STPG2: variants seen among roughly 807,000 people sequenced by gnomAD.
The protein encoded by STPG2 is sperm tail PG-rich repeat containing 2, also known as sperm-tail PG-rich repeat-containing protein 2.
In STPG2, 56 loss-of-function variants were observed where a neutral mutation model predicts 54.2. The ratio of observed to expected loss-of-function variants is 1.03; its 90% CI spans 0.83 to 1.29. The LOEUF is 1.29. Among genes scored for constraint, STPG2 ranks in the 50% most tolerant of loss-of-function variants. STPG2 has a pLI of 0.00. For missense variants in STPG2, 596 were observed against 544.9 expected (o/e 1.09, Z -0.93); for synonymous variants, 200 against 181.8 (o/e 1.10, Z -0.81).
intron 8 of STPG2, among the ~76,000 whole-genome samples, chr4:97,873,508 G>A (rs1333621914): frequency 6.6e-6 from 1 of 151,360 alleles, no homozygotes; most frequent in Non-Finnish European, 1.5e-5. Flanking sequence ...ATAACAAAAA[G>A]CACTATTGAA....
chr4:98,011,042 A>C (rs941782776), intron 5 of STPG2, among the ~76,000 whole-genome samples: 5 of 152,074 alleles, frequency 3.3e-5, no homozygotes, highest in Non-Finnish European at 7.4e-5. Flanking sequence ...TGCTGCACTG[A>C]TCAACCCATC....
intron 4 of STPG2, among the ~76,000 whole-genome samples, chr4:97,512,649 G>A (rs1730995899): frequency 6.6e-6 from 1 of 152,006 alleles, no homozygotes; most frequent in African/African-American, 2.4e-5. Flanking sequence ...GAAAAGATAG[G>A]GGTGGGAGGA....
intron 10 of STPG2, among the ~76,000 whole-genome samples, chr4:97,679,072 G>A (rs1722944493): frequency 6.6e-6 from 1 of 152,112 alleles, no homozygotes; most frequent in Non-Finnish European, 1.5e-5. Context: ...TGTGAATAGT[G>A]CTGCAATAAA....
intron 5 of STPG2, among the ~76,000 whole-genome samples, chr4:98,032,724 G>A (rs563341518): frequency 1.7e-4 from 26 of 151,988 alleles, no homozygotes; most frequent in Non-Finnish European, 3.2e-4. Context: ...GCAAAAGAAC[G>A]GAAATCATAA....
At chr4:98,028,958 A>G (rs1736510780) in intron 5 of STPG2, among the ~76,000 whole-genome samples, 1 of 152,212 alleles carries the variant, frequency 6.6e-6, no homozygotes, top group Admixed American at 6.5e-5. Flanking sequence ...TTTATTTGGA[A>G]GTATGTTGCT....
At chr4:97,859,672 C>T (rs150101901) in intron 8 of STPG2, among the ~76,000 whole-genome samples, 152 of 152,146 alleles carry the variant, frequency 1.0e-3, no homozygotes, top group Middle Eastern at 3.4e-3. Flanking sequence ...ACCATGTTGG[C>T]CAGGCTGGTC....
intron 5 of STPG2, among the ~76,000 whole-genome samples, chr4:98,099,558 A>G (rs1738964685): frequency 6.6e-6 from 1 of 152,198 alleles, no homozygotes; most frequent in African/African-American, 2.4e-5. Flanking sequence ...ACTATTTGAT[A>G]GCACAATAGG....
intron 10 of STPG2, among the ~76,000 whole-genome samples, chr4:97,568,341 G>A (rs761274129): frequency 6.4e-4 from 97 of 152,262 alleles, no homozygotes; most frequent in Non-Finnish European, 3.2e-4. Flanking sequence ...TCAGGACATG[G>A]TTAAGCAAAT....
At chr4:98,066,050 T>G (rs967517138) in intron 5 of STPG2, among the ~76,000 whole-genome samples, 2 of 151,968 alleles carry the variant, frequency 1.3e-5, no homozygotes, top group Admixed American at 6.6e-5. Context: ...ATATGTATAT[T>G]ATATATACCT....
At chr4:97,668,474 T>C (rs1250720880) in intron 10 of STPG2, among the ~76,000 whole-genome samples, 1 of 152,140 alleles carries the variant, frequency 6.6e-6, no homozygotes, top group Non-Finnish European at 1.5e-5. Context: ...TGGAGAAATC[T>C]GTAACAGAAT....
At chr4:97,848,999 A>C (rs1350238344) in intron 8 of STPG2, among the ~76,000 whole-genome samples, 1 of 150,130 alleles carries the variant, frequency 6.7e-6, no homozygotes, top group African/African-American at 2.5e-5. Flanking sequence ...TTTTGGTTCC[A>C]TATGAACTTT....
At chr4:97,669,329 G>T (rs1420714449) in intron 10 of STPG2, among the ~76,000 whole-genome samples, 1 of 152,146 alleles carries the variant, frequency 6.6e-6, no homozygotes, top group Non-Finnish European at 1.5e-5. Flanking sequence ...GCATATGTAT[G>T]AAGGAATTGA....
intron 8 of STPG2, among the ~76,000 whole-genome samples, chr4:97,902,837 C>A (rs565291344): frequency 1.3e-5 from 2 of 152,194 alleles, no homozygotes; most frequent in South Asian, 4.1e-4. Context: ...GAAGAGATAT[C>A]AGTACTTCCA....
At chr4:97,692,720 G>A (rs1164884341) in intron 10 of STPG2, among the ~76,000 whole-genome samples, 2 of 152,186 alleles carry the variant, frequency 1.3e-5, no homozygotes, top group African/African-American at 2.4e-5. Flanking sequence ...ATTGTGAAAT[G>A]ATCATTGCCT....
chr4:97,533,037 C>T (rs1031726652), intron 4 of STPG2, among the ~76,000 whole-genome samples: 3 of 152,078 alleles, frequency 2.0e-5, no homozygotes, highest in Non-Finnish European at 4.4e-5. Context: ...CGCCCGCCAC[C>T]ACACCCGGCT....
chr4:97,629,966 C>A (rs1050710255), intron 10 of STPG2, among the ~76,000 whole-genome samples: 44 of 151,994 alleles, frequency 2.9e-4, no homozygotes, highest in African/African-American at 8.7e-4. Context: ...GTTAATCAGA[C>A]AAGAAACCAA....
At chr4:98,075,212 AT>A (rs1353370625) in intron 5 of STPG2, among the ~76,000 whole-genome samples, 1 of 152,108 alleles carries the variant, frequency 6.6e-6, no homozygotes, top group Non-Finnish European at 1.5e-5. Flanking sequence ...TCTAGCCTAC[AT>A]TTTTAGCTCC....
intron 3 of STPG2, among the ~76,000 whole-genome samples, chr4:98,123,112 AGT>A (rs1739728050): frequency 1.3e-5 from 2 of 151,858 alleles, no homozygotes; most frequent in Non-Finnish European, 2.9e-5. Flanking sequence ...TCTAGTTATC[AGT>A]CTATCTATTT....
chr4:97,863,433 T>G (rs1225048831), intron 8 of STPG2, among the ~76,000 whole-genome samples: 4 of 152,034 alleles, frequency 2.6e-5, no homozygotes, highest in African/African-American at 7.2e-5. Context: ...AATAACAGGC[T>G]CTGAAATTGA....
Sources: gnomAD v4.1 joint callset for allele counts (sites outside exome capture counted in the v4.1 genomes callset) on GRCh38, gnomAD v4.1.1 for gene constraint, MANE v1.5 for transcripts, NCBI Gene and HGNC (gene_info 2026-07-23, HGNC 2026-07-21) for gene names.